STX6: variants seen among roughly 807,000 people sequenced by gnomAD.
STX6 encodes syntaxin 6.
In STX6, 23 loss-of-function variants were observed where a neutral mutation model predicts 38.0. That is an observed-to-expected ratio of 0.60 (90% CI 0.43 to 0.86). STX6 has a LOEUF of 0.86. STX6 is among the 40% of genes least tolerant of loss of function. STX6 has a pLI of 0.00. For missense variants in STX6, 274 were observed against 312.9 expected (o/e 0.88, Z 0.94); for synonymous variants, 123 against 107.5 (o/e 1.14, Z -0.89).
chr1:180,982,988 A>C (rs1655458176), intron 7 of STX6, among the ~76,000 whole-genome samples: 1 of 152,238 alleles, frequency 6.6e-6, no homozygotes, highest in Non-Finnish European at 1.5e-5. Flanking sequence ...TGGATGTAAT[A>C]GGTCCATTGC....
At chr1:180,983,262 T>C (rs1655466077) in intron 7 of STX6, among the ~76,000 whole-genome samples, 1 of 152,142 alleles carries the variant, frequency 6.6e-6, no homozygotes, top group African/African-American at 2.4e-5. Flanking sequence ...AAAGCTAACC[T>C]ATTAGACCTT....
rs1045752954 is a variant in STX6 at position 181,017,028 on chromosome 1, C to T, written c.35+5611G>A. 6.0e-5 allele frequency among the ~76,000 whole-genome samples: 9 copies of T among 150,342 alleles called. No homozygotes were observed. In the East Asian group the frequency reaches 9.9e-4, roughly 16 times the overall value. ...GCGGAGGTTGCAGTGAGCCAAGACG[C>T]GCCACTGCACTCCAGCCTGGGTGAC... On this transcript the variant is annotated intron_variant, in intron 1 of 7. Transcript: ENST00000258301.
Position 180,974,643 on chromosome 1 carries a change from T to C in STX6, c.*1927A>G, listed in dbSNP as rs577001264. 1 of 152,788 alleles carries C rather than the reference T, an allele frequency of 6.5e-6. No homozygotes were observed. The highest frequency in any genetic ancestry group is 2.4e-5 in the African/African-American group (1 of 41,590). The allele number at this position is 152,788 out of a possible 1,614,324, so 9.5% of individuals were successfully genotyped here. ...TTATAATGTGTTGTGTGGATTACAG[T>C]ACTTAGACAAGGTTCACATTTACTT... is the stretch of plus-strand genomic sequence containing the variant. On this transcript the variant is annotated 3_prime_UTR_variant, in exon 8 of 8. Coordinates refer to ENST00000258301, the MANE Select transcript of STX6 (RefSeq NM_005819.6).
chr1:180,979,922 T>C (rs1020558634), intron 7 of STX6, among the ~76,000 whole-genome samples: 7 of 152,064 alleles, frequency 4.6e-5, no homozygotes, highest in African/African-American at 1.7e-4. Flanking sequence ...AAAAAAGAGA[T>C]GGGGCTGGGC....
chr1:181,001,108 A>G (rs918638829), intron 3 of STX6, among the ~76,000 whole-genome samples: 2 of 152,240 alleles, frequency 1.3e-5, no homozygotes, highest in Admixed American at 1.3e-4. Context: ...TGTATATAGA[A>G]AGGCAACTAA....
At chr1:180,998,856 C>T (rs896880087) in intron 3 of STX6, among the ~76,000 whole-genome samples, 3 of 152,200 alleles carry the variant, frequency 2.0e-5, no homozygotes, top group African/African-American at 7.2e-5. Flanking sequence ...TAACACATGA[C>T]GTTTAGAACC....
At chr1:181,014,011 T>C (rs1656483651) in intron 1 of STX6, among the ~76,000 whole-genome samples, 2 of 152,208 alleles carry the variant, frequency 1.3e-5, no homozygotes, top group Non-Finnish European at 2.9e-5. Flanking sequence ...TGCTTCAATC[T>C]GCTAGTCAAA....
At chr1:181,014,339 A>T (rs898775907) in intron 1 of STX6, among the ~76,000 whole-genome samples, 4 of 152,028 alleles carry the variant, frequency 2.6e-5, no homozygotes, top group Non-Finnish European at 4.4e-5. Flanking sequence ...GGTTGCAGTA[A>T]GCCGAGATTG....
rs569886661 is a variant in STX6, at chr1:180,990,550, T to C, written c.364-441A>G. On this transcript the variant is annotated intron_variant, in intron 4 of 7. Transcript: ENST00000258301. ...GACCCAGGGGAAGTTGTGGGTTTTT[T>C]TGGTGGGGGGAAAGGGAGAGTTCCC... Among the ~76,000 whole-genome samples the C allele has an allele frequency of 9.7e-5, 10 of 103,378 alleles. No individual in the cohort carries two copies. The South Asian group carries it at 2.6e-3, about 27-fold the overall frequency. The allele number at this position is 103,378 out of a possible 152,430, so 67.8% of individuals were successfully genotyped here. A position where few individuals can be genotyped will look rare whatever the true frequency, so the allele number is the denominator to read the frequency against.
intron 1 of STX6, among the ~76,000 whole-genome samples, chr1:181,016,486 A>G (rs1192762028): frequency 6.6e-6 from 1 of 152,254 alleles, no homozygotes; most frequent in African/African-American, 2.4e-5. Context: ...AAAGGCTTGC[A>G]AATTTGTTCT....
Position 180,976,585 on chromosome 1 carries a change from G to A in STX6, c.753C>T (p.Leu251=). ...GGCCCCGCCGTCACAGCACTAAGAA[G>A]AGGATGAGCACAACCAACAGGACTG... ...LFAVLLVVLI[L]FLVL is the part of the protein sequence containing the mutation. The change falls in exon 8 of 8, where the codon CTC becomes CTT. Residue 251 remains leucine, a synonymous_variant. Coordinates refer to ENST00000258301, the MANE Select transcript of STX6 (RefSeq NM_005819.6). 6.2e-7 allele frequency: 1 copy of A among 1,613,772 alleles called. No individual in the cohort carries two copies.
chr1:180,984,536 G>A (rs569785653), intron 7 of STX6, 141 bp downstream of exon 7: 96 of 427,586 alleles, frequency 2.2e-4, no homozygotes, highest in African/African-American at 1.9e-3. Flanking sequence ...GTGAAAGAGT[G>A]AGACTCTGTC....
intron 1 of STX6, among the ~76,000 whole-genome samples, chr1:181,021,741 A>AAG (rs1326134891): frequency 6.6e-6 from 1 of 152,218 alleles, no homozygotes; most frequent in Non-Finnish European, 1.5e-5. Context: ...AGTGCAGTTG[A>AAG]AGACTCTATC....
intron 5 of STX6, chr1:180,989,358 T>G (rs894668380): frequency 6.6e-5 from 10 of 151,780 alleles, no homozygotes; most frequent in African/African-American, 2.4e-4. Context: ...TAGCTGGGCG[T>G]GGTGGCGTGC....
At chr1:180,987,359 C>A (rs1261510362) in intron 6 of STX6, among the ~76,000 whole-genome samples, 5 of 152,308 alleles carry the variant, frequency 3.3e-5, no homozygotes, top group Middle Eastern at 3.4e-3. Context: ...ATCACAGGGG[C>A]CCTCCCACTT....
rs1655462404 is a variant in STX6, at chr1:180,983,139, A to C, written c.691+1538T>G. Among the ~76,000 whole-genome samples the C allele has an allele frequency of 2.0e-5, 3 of 152,268 alleles. No homozygotes were observed. In the South Asian group the frequency reaches 6.2e-4, roughly 31 times the overall value. On this transcript the variant is annotated intron_variant, in intron 7 of 7. Coordinates refer to ENST00000258301, the MANE Select transcript of STX6 (RefSeq NM_005819.6). Reference sequence around the variant, plus strand: ...AATCCTCACAATTACCTGGAGAGGTAGGACTCAACATATTTTTACAGATAA... The same window carrying C: ...AATCCTCACAATTACCTGGAGAGGTCGGACTCAACATATTTTTACAGATAA...
intron 4 of STX6, among the ~76,000 whole-genome samples, chr1:180,990,994 G>A (rs905684749): frequency 6.6e-6 from 1 of 152,184 alleles, no homozygotes; most frequent in African/African-American, 2.4e-5. Context: ...GCCAGAAGAC[G>A]CTAGCAACTA....
At chr1:180,979,741 A>G (rs1338768099) in intron 7 of STX6, among the ~76,000 whole-genome samples, 1 of 152,226 alleles carries the variant, frequency 6.6e-6, no homozygotes, top group African/African-American at 2.4e-5. Context: ...AGTCACTGTC[A>G]AAAGAATGAG....
intron 2 of STX6, among the ~76,000 whole-genome samples, chr1:181,004,969 T>G (rs2102322024): frequency 6.6e-6 from 1 of 150,790 alleles, no homozygotes; most frequent in South Asian, 2.1e-4. Flanking sequence ...AAAAAGGGTT[T>G]TTTTTTTTTC....
Sources: gnomAD v4.1 joint callset for allele counts (sites outside exome capture counted in the v4.1 genomes callset) on GRCh38, gnomAD v4.1.1 for gene constraint, MANE v1.5 for transcripts, NCBI Gene and HGNC (gene_info 2026-07-23, HGNC 2026-07-21) for gene names.